ECT2L: variants seen among roughly 807,000 people sequenced by gnomAD.
The protein encoded by ECT2L is epithelial cell-transforming sequence 2 oncogene-like.
In ECT2L, 126 loss-of-function variants were observed where a neutral mutation model predicts 122.8. The ratio of observed to expected loss-of-function variants is 1.03; its 90% CI spans 0.89 to 1.19. The LOEUF (loss-of-function observed/expected upper bound fraction) is 1.19. ECT2L is among the 50% of genes most tolerant of loss of function. The pLI is 0.00. For synonymous variants in ECT2L, 385 were observed against 381.8 expected, an observed-to-expected ratio of 1.01 and a Z score of -0.10; for missense variants, 1,012 against 1,064.1, an observed-to-expected ratio of 0.95 and a Z score of 0.68.
intron 8 of ECT2L, among the ~76,000 whole-genome samples, 194 bp from the exon 9 acceptor site, chr6:138,849,075 T>C (rs1173787911): frequency 6.6e-6 from 1 of 152,246 alleles, no homozygotes; most frequent in East Asian, 1.9e-4. Flanking sequence ...ATTACATGTG[T>C]ACTTAATTTT....
At chr6:138,817,831 C>A (rs907685089) in intron 4 of ECT2L, among the ~76,000 whole-genome samples, 2 of 152,220 alleles carry the variant, frequency 1.3e-5, no homozygotes, top group Non-Finnish European at 1.5e-5. Context: ...TCATGCCTAG[C>A]AACTTTATAC....
intron 3 of ECT2L, 83 bp downstream of exon 3, chr6:138,813,423 T>G (rs1216838643): frequency 4.1e-5 from 41 of 1,010,570 alleles, no homozygotes; most frequent in Non-Finnish European, 5.8e-5. Context: ...TGTTGCCACA[T>G]TTTTAAAGAA....
At chr6:138,832,748 G>T (rs995140978) in intron 4 of ECT2L, among the ~76,000 whole-genome samples, 7 of 146,912 alleles carry the variant, frequency 4.8e-5, no homozygotes, top group Non-Finnish European at 7.6e-5. Flanking sequence ...GTGTTTTTTT[G>T]TTGTTTTTTT....
chr6:138,870,445 T>A (rs1487633861), intron 13 of ECT2L, among the ~76,000 whole-genome samples: 1 of 152,030 alleles, frequency 6.6e-6, no homozygotes, highest in African/African-American at 2.4e-5. Flanking sequence ...TCCAAAGAAT[T>A]TTATTTTCAT....
At chr6:138,857,751 T>C (rs1178623633) in intron 10 of ECT2L, among the ~76,000 whole-genome samples, 5 of 152,178 alleles carry the variant, frequency 3.3e-5, no homozygotes, top group Non-Finnish European at 7.3e-5. Context: ...TAGGGCTTGA[T>C]CCTAGCCTCT....
intron 20 of ECT2L, among the ~76,000 whole-genome samples, chr6:138,893,179 T>TG (rs1201863288): frequency 6.9e-6 from 1 of 145,894 alleles, no homozygotes; most frequent in African/African-American, 2.6e-5. Context: ...TTTTTGTTTT[T>TG]TTTTTGTTTT....
rs1779492516 is a variant in ECT2L at position 138,903,912 on chromosome 6, G to T, written c.*1285G>T. The T allele has an allele frequency of 6.6e-6, 1 of 152,094 alleles. No homozygotes were observed. The highest frequency in any genetic ancestry group is 1.5e-5 in the Non-Finnish European group (1 of 67,994). 9.4% of individuals were successfully genotyped at this position (152,094 alleles called of 1,614,324 possible). ...AACAAAGTCTATCGGTGCAGTTTAGGACTGTGAATCTATAGTATTTAAACA... is the reference window on the plus strand; with the variant it reads ...AACAAAGTCTATCGGTGCAGTTTAGTACTGTGAATCTATAGTATTTAAACA... On this transcript the variant is annotated 3_prime_UTR_variant, in exon 22 of 22. Transcript: ENST00000541398.
chr6:138,882,926 C>G, intron 16 of ECT2L, 55 bp downstream of exon 16: 2 of 1,575,702 alleles, frequency 1.3e-6, no homozygotes, highest in Non-Finnish European at 1.7e-6. Context: ...AAGGAAGTTA[C>G]GTGTGGAACC....
intron 20 of ECT2L, among the ~76,000 whole-genome samples, chr6:138,897,518 C>T (rs565399053): frequency 2.6e-4 from 40 of 152,212 alleles, no homozygotes; most frequent in African/African-American, 8.7e-4. Flanking sequence ...CAAGGGATGA[C>T]TGTATCTGCT....
At chr6:138,853,375 C>T (rs1212219628) in intron 9 of ECT2L, among the ~76,000 whole-genome samples, 4 of 152,120 alleles carry the variant, frequency 2.6e-5, no homozygotes, top group Non-Finnish European at 5.9e-5. Context: ...AAAACAACAT[C>T]AAAACAAAGT....
At chr6:138,851,130 C>G (rs1478230472) in intron 9 of ECT2L, among the ~76,000 whole-genome samples, 3 of 151,494 alleles carry the variant, frequency 2.0e-5, no homozygotes, top group Non-Finnish European at 4.4e-5. Flanking sequence ...ACAATCTCTA[C>G]ACATCCCACA....
chr6:138,900,899 A>G (rs1224650899), intron 20 of ECT2L, 49 bp from the exon 21 acceptor site: 1 of 1,559,866 alleles, frequency 6.4e-7, no homozygotes. Flanking sequence ...CTATGTAACA[A>G]AGCATGTATG....
At chr6:138,844,778 C>T (rs1726625197) in intron 7 of ECT2L, among the ~76,000 whole-genome samples, 198 bp downstream of exon 7, 1 of 147,974 alleles carries the variant, frequency 6.8e-6, no homozygotes, top group African/African-American at 2.5e-5. Flanking sequence ...ACATACAAAA[C>T]TTACATTTTA....
intron 10 of ECT2L, among the ~76,000 whole-genome samples, chr6:138,854,558 C>T (rs189923602): frequency 1.8e-3 from 276 of 152,202 alleles, no homozygotes; most frequent in Admixed American, 6.4e-3. Flanking sequence ...ACTTGAGTCC[C>T]GCCAATGTCA....
intron 1 of ECT2L, among the ~76,000 whole-genome samples, chr6:138,803,489 CAT>C (rs1304365188): frequency 6.6e-6 from 1 of 152,162 alleles, no homozygotes; most frequent in African/African-American, 2.4e-5. Context: ...ATAAAAATCC[CAT>C]ATGTTGGCTC....
intron 1 of ECT2L, among the ~76,000 whole-genome samples, chr6:138,799,392 T>C (rs1775454995): frequency 1.3e-5 from 2 of 151,996 alleles, no homozygotes. Context: ...TAGCTGGGAC[T>C]ACAGGCACCC....
chr6:138,819,223 G>C (rs902986623), intron 4 of ECT2L, among the ~76,000 whole-genome samples: 1 of 119,776 alleles, frequency 8.3e-6, no homozygotes, highest in Admixed American at 9.9e-5. Context: ...TTTAGAGGTG[G>C]ATGATGCTTA....
At chr6:138,836,162 G>A (rs2128386093) in intron 4 of ECT2L, among the ~76,000 whole-genome samples, 1 of 151,422 alleles carries the variant, frequency 6.6e-6, no homozygotes, top group South Asian at 2.1e-4. Context: ...TAAGTATTTT[G>A]TACTTAATTT....
chr6:138,890,760 T>C (rs1454667526), intron 20 of ECT2L, among the ~76,000 whole-genome samples: 4 of 152,148 alleles, frequency 2.6e-5, no homozygotes, highest in Admixed American at 2.0e-4. Flanking sequence ...AATGTTCTAC[T>C]AGGGTCAATG....
Sources: gnomAD v4.1 joint callset for allele counts (sites outside exome capture counted in the v4.1 genomes callset) on GRCh38, gnomAD v4.1.1 for gene constraint, MANE v1.5 for transcripts, NCBI Gene and HGNC (gene_info 2026-07-23, HGNC 2026-07-21) for gene names.